Variants in GRIN3A observed in about 807,000 individuals in gnomAD.
The protein encoded by GRIN3A is glutamate receptor ionotropic, NMDA 3A.
In GRIN3A, 47 loss-of-function variants were observed where a neutral mutation model predicts 92.4. The observed-to-expected ratio is 0.51, with a 90% CI of 0.40 to 0.65. GRIN3A has a LOEUF of 0.65. Among genes scored for constraint, GRIN3A ranks in the 30% least tolerant of loss-of-function variants. The pLI is 0.00. For missense variants in GRIN3A, 1,324 were observed against 1,393.1 expected (o/e 0.95, Z 0.79); for synonymous variants, 527 against 540.6 (o/e 0.97, Z 0.35).
chr9:101,726,917 A>G (rs1050250698), intron 1 of GRIN3A, among the ~76,000 whole-genome samples: 1 of 152,054 alleles, frequency 6.6e-6, no homozygotes, highest in Non-Finnish European at 1.5e-5. Flanking sequence ...GGTAGAGGCT[A>G]TAATATTAGA....
At chr9:101,649,689 G>T (rs1374610770) in intron 3 of GRIN3A, among the ~76,000 whole-genome samples, 2 of 152,004 alleles carry the variant, frequency 1.3e-5, no homozygotes, top group East Asian at 3.9e-4. Flanking sequence ...GAGTTCTGGT[G>T]TATTCAGGGA....
intron 2 of GRIN3A, among the ~76,000 whole-genome samples, chr9:101,683,491 T>A (rs1342691628): frequency 1.3e-5 from 2 of 152,202 alleles, no homozygotes; most frequent in Non-Finnish European, 2.9e-5. Context: ...TGATGGAAAA[T>A]CCACAGATGT....
At chr9:101,704,524 A>T (rs1479460017) in intron 1 of GRIN3A, among the ~76,000 whole-genome samples, 1 of 152,192 alleles carries the variant, frequency 6.6e-6, no homozygotes. Context: ...ATTCAGTAGA[A>T]ACTATACTTC....
chr9:101,697,966 A>G (rs1829704093), intron 1 of GRIN3A, among the ~76,000 whole-genome samples: 1 of 152,098 alleles, frequency 6.6e-6, no homozygotes, highest in African/African-American at 2.4e-5. Context: ...AAACATGCAC[A>G]CTCCAACACC....
At chr9:101,695,536 C>T (rs1275061150) in intron 1 of GRIN3A, among the ~76,000 whole-genome samples, 1 of 152,054 alleles carries the variant, frequency 6.6e-6, no homozygotes, top group Non-Finnish European at 1.5e-5. Flanking sequence ...GTTACTAGAG[C>T]AAGACCAAGT....
In GRIN3A at chr9:101,573,081, A is replaced by G. The variant is rs1047825468; in HGVS notation, c.*93T>C. On this transcript the variant is annotated 3_prime_UTR_variant, in exon 9 of 9. Coordinates refer to ENST00000361820, the MANE Select transcript of GRIN3A (RefSeq NM_133445.3). ...AGAAGACCTAGACCTCAGCTTCCCC[A>G]CACCTTTGTCGATAGTTACAAAAGA... 3 of 1,134,142 alleles carry G rather than the reference A, an allele frequency of 2.6e-6. No individual in the cohort carries two copies. Among genetic ancestry groups the G allele is most frequent in the Non-Finnish European group, 4.0e-6 (3 of 746,330 alleles). The allele number at this position is 1,134,142 out of a possible 1,614,324, so 70.3% of individuals were successfully genotyped here. A position where few individuals can be genotyped will look rare whatever the true frequency, so the allele number is the denominator to read the frequency against.
chr9:101,665,705 T>G (rs1045967919), intron 3 of GRIN3A, among the ~76,000 whole-genome samples: 7 of 151,950 alleles, frequency 4.6e-5, no homozygotes, highest in Non-Finnish European at 8.8e-5. Context: ...CACAGAGATC[T>G]ATGACTTCTC....
chr9:101,623,446 C>T lies in GRIN3A; in HGVS notation c.2499-13G>A, dbSNP rs370360497. On this transcript the variant is annotated splice_polypyrimidine_tract_variant and intron_variant, in intron 4 of 8. Coordinates refer to ENST00000361820, the MANE Select transcript of GRIN3A (RefSeq NM_133445.3). ...CTCTGGATCATTCCTATATTTAAGA[C>T]CAGAGGAGAAAAGTGAAAATGATTC... The T allele has an allele frequency of 6.6e-7, 1 of 1,520,686 alleles. No homozygotes were observed. The allele number at this position is 1,520,686 out of a possible 1,614,324, so 94.2% of individuals were successfully genotyped here. A position where few individuals can be genotyped will look rare whatever the true frequency, so the allele number is the denominator to read the frequency against.
intron 2 of GRIN3A, among the ~76,000 whole-genome samples, chr9:101,676,008 G>T (rs943234897): frequency 7.9e-5 from 12 of 151,616 alleles, no homozygotes; most frequent in African/African-American, 2.2e-4. Context: ...GATTTTTCTT[G>T]TCTTATTTGA....
rs1057249039 is a variant in GRIN3A at position 101,573,105 on chromosome 9, G to C, written c.*69C>G. ...CACACCTTTGTCGATAGTTACAAAAGAGCATTACAAAGTGTCTCAAGGGCT... is the reference window on the plus strand; with the variant it reads ...CACACCTTTGTCGATAGTTACAAAACAGCATTACAAAGTGTCTCAAGGGCT... On this transcript the variant is annotated 3_prime_UTR_variant, in exon 9 of 9. Transcript: ENST00000361820. The C allele has an allele frequency of 6.6e-5, 86 of 1,306,768 alleles. No individual in the cohort carries two copies. Among genetic ancestry groups the C allele is most frequent in the Non-Finnish European group, 9.5e-5 (86 of 900,954 alleles). The allele number at this position is 1,306,768 out of a possible 1,614,324, so 80.9% of individuals were successfully genotyped here. A position where few individuals can be genotyped will look rare whatever the true frequency, so the allele number is the denominator to read the frequency against.
Position 101,572,411 on chromosome 9 carries a change from G to T in GRIN3A, c.*763C>A, listed in dbSNP as rs1827772797. ...TAGAAGTAGTCTTATTCATTTTTTAGCCAAATTGCCTTTCTGGCCCAGAGC... is the reference window on the plus strand; with the variant it reads ...TAGAAGTAGTCTTATTCATTTTTTATCCAAATTGCCTTTCTGGCCCAGAGC... On this transcript the variant is annotated 3_prime_UTR_variant, in exon 9 of 9. Transcript: ENST00000361820. The T allele has an allele frequency of 6.5e-6, 1 of 152,682 alleles. No individual in the cohort carries two copies. The highest frequency in any genetic ancestry group is 2.1e-4 in the South Asian group (1 of 4,826). 9.5% of individuals were successfully genotyped at this position (152,682 alleles called of 1,614,324 possible).
chr9:101,589,922 A>T (rs1300746679), intron 6 of GRIN3A, among the ~76,000 whole-genome samples: 2 of 152,200 alleles, frequency 1.3e-5, no homozygotes, highest in African/African-American at 4.8e-5. Flanking sequence ...ATTTCATCTC[A>T]ATATTTCAGA....
chr9:101,679,714 A>T (rs1235026814), intron 2 of GRIN3A, among the ~76,000 whole-genome samples: 1 of 152,172 alleles, frequency 6.6e-6, no homozygotes, highest in East Asian at 1.9e-4. Context: ...TAGGAGTAAG[A>T]GTTAGGTATA....
intron 3 of GRIN3A, among the ~76,000 whole-genome samples, chr9:101,641,702 G>A (rs2118901599): frequency 6.6e-6 from 1 of 151,570 alleles, no homozygotes; most frequent in African/African-American, 2.4e-5. Flanking sequence ...AATGGGTGCA[G>A]CATACCAACA....
chr9:101,695,657 G>C (rs1292302534), intron 1 of GRIN3A, among the ~76,000 whole-genome samples: 1 of 152,142 alleles, frequency 6.6e-6, no homozygotes, highest in Non-Finnish European at 1.5e-5. Flanking sequence ...CTGACACGTA[G>C]TAACTGCTTG....
intron 2 of GRIN3A, among the ~76,000 whole-genome samples, chr9:101,675,944 C>T (rs1455523754): frequency 6.6e-6 from 1 of 151,824 alleles, no homozygotes; most frequent in Non-Finnish European, 1.5e-5. Context: ...AAAAATCTTC[C>T]ACTACAAATA....
chr9:101,666,699 G>T (rs138495728), intron 3 of GRIN3A, among the ~76,000 whole-genome samples: 2 of 152,112 alleles, frequency 1.3e-5, no homozygotes, highest in African/African-American at 4.8e-5. Flanking sequence ...TTTCTAGCCC[G>T]TGAACTGCTG....
chr9:101,720,883 A>G (rs1830003830), intron 1 of GRIN3A, among the ~76,000 whole-genome samples: 1 of 152,206 alleles, frequency 6.6e-6, no homozygotes, highest in South Asian at 2.1e-4. Context: ...AGGATCAGAA[A>G]AAATAATGAA....
At chr9:101,712,179 G>A (rs1290693192) in intron 1 of GRIN3A, among the ~76,000 whole-genome samples, 1 of 152,138 alleles carries the variant, frequency 6.6e-6, no homozygotes, top group Non-Finnish European at 1.5e-5. Flanking sequence ...TAATTGACAA[G>A]TTTGTACTTA....
Sources: allele counts gnomAD v4.1 joint callset (sites outside exome capture counted in the v4.1 genomes callset), GRCh38; gene constraint gnomAD v4.1.1; transcripts MANE v1.5; gene names NCBI Gene and HGNC (gene_info 2026-07-23, HGNC 2026-07-21).